MGAT5B: variants seen among roughly 807,000 people sequenced by gnomAD.
MGAT5B encodes the protein alpha-1,6-mannosylglycoprotein 6-beta-N-acetylglucosaminyltransferase B, also known as N-acetylglucosaminyl-transferase Vb.
A neutral mutation model predicts 95.1 loss-of-function variants in MGAT5B; 54 were observed. The observed-to-expected ratio is 0.57, with a 90% CI of 0.46 to 0.71. MGAT5B has a LOEUF of 0.71. MGAT5B is among the 30% of genes least tolerant of loss of function. The pLI is 0.00. For synonymous variants in MGAT5B, 464 were observed against 451.0 expected (o/e 1.03, Z -0.36); for missense variants, 935 against 1,088.6 (o/e 0.86, Z 1.99).
intron 3 of MGAT5B, among the ~76,000 whole-genome samples, chr17:76,900,987 G>A (rs934400354): frequency 6.6e-6 from 1 of 152,174 alleles, no homozygotes; most frequent in African/African-American, 2.4e-5. Context: ...GTGTGTGCAT[G>A]TGTGTACATG....
chr17:76,897,660 A>ACCTTCTTT (rs1385091778), intron 3 of MGAT5B, among the ~76,000 whole-genome samples: 2,206 of 69,208 alleles, frequency 0.032, 114 homozygotes, highest in East Asian at 0.1. Flanking sequence ...AAGTAAGGCC[A>ACCTTCTTT]CTTTCTTTCT....
chr17:76,937,959 G>A (rs1598997167), intron 12 of MGAT5B, 29 bp from the exon 13 acceptor site: 2 of 1,609,210 alleles, frequency 1.2e-6, no homozygotes, highest in East Asian at 2.2e-5. Flanking sequence ...TTTGCATGTG[G>A]TTCCCATCTC....
intron 12 of MGAT5B, among the ~76,000 whole-genome samples, chr17:76,934,593 G>A (rs1487647232): frequency 6.6e-6 from 1 of 152,182 alleles, no homozygotes; most frequent in Non-Finnish European, 1.5e-5. Flanking sequence ...GGCACTGGGT[G>A]CTGGAGAAGA....
intron 8 of MGAT5B, among the ~76,000 whole-genome samples, chr17:76,910,657 C>A (rs183416791): frequency 1.3e-5 from 2 of 152,252 alleles, no homozygotes; most frequent in Admixed American, 1.3e-4. Flanking sequence ...CATGTCCACA[C>A]CCCACAGAGA....
chr17:76,937,655 C>T (rs149078700), intron 12 of MGAT5B, among the ~76,000 whole-genome samples: 128 of 152,232 alleles, frequency 8.4e-4, no homozygotes, highest in Middle Eastern at 3.4e-3. Context: ...CACAGCTCCT[C>T]AGAGGAGCTT....
chr17:76,873,843 A>G lies in MGAT5B; in HGVS notation c.181+880A>G, dbSNP rs550089087. On this transcript the variant is annotated intron_variant, in intron 2 of 17. Coordinates refer to ENST00000569840, the MANE Select transcript of MGAT5B (RefSeq NM_001199172.2). ...ACTGTTCGAGGGTTGGCTCTGTGAG[A>G]TTCCCCTGCCCCTCTGGGGAAGTCT... 3.3e-5 allele frequency among the ~76,000 whole-genome samples: 5 copies of G among 152,196 alleles called. No homozygotes were observed. In the South Asian group the frequency reaches 8.3e-4, roughly 25 times the overall value.
chr17:76,933,331 C>T, intron 12 of MGAT5B, 34 bp downstream of exon 12: 1 of 1,598,008 alleles, frequency 6.3e-7, no homozygotes, highest in African/African-American at 1.3e-5. Flanking sequence ...CCCCCTCTAC[C>T]CTCTGCTCCC....
intron 1 of MGAT5B, 163 bp from the exon 2 acceptor site, chr17:76,872,688 G>A (rs1598882300): frequency 6.5e-7 from 1 of 1,533,536 alleles, no homozygotes; most frequent in African/African-American, 1.4e-5. Flanking sequence ...CTATAGTGGG[G>A]GGGCCCTCCT....
intron 2 of MGAT5B, among the ~76,000 whole-genome samples, chr17:76,878,246 G>A (rs1280459541): frequency 1.3e-5 from 2 of 152,110 alleles, no homozygotes; most frequent in East Asian, 3.9e-4. Context: ...CTGGTACCCC[G>A]AGGGCTCATT....
At position 76,915,579 on chromosome 17, in the gene MGAT5B, G is replaced by A. The variant is rs754081081; in HGVS notation, c.1026-9387G>A. ...GGCTTGATGAGGCTGGGAAGTGGGC[G>A]CATTGGAGCATTATATGATTTTCTA... is the stretch of plus-strand genomic sequence containing the variant. On this transcript the variant is annotated intron_variant, in intron 8 of 17. Transcript: ENST00000569840. The surrounding 1 kb of genome is among the most constrained non-coding windows in gnomAD (Gnocchi z 8.7). Among the ~76,000 whole-genome samples, 9 of 152,138 alleles carry A rather than the reference G, an allele frequency of 5.9e-5. No homozygotes were observed. The highest frequency in any genetic ancestry group is 1.3e-4 in the Non-Finnish European group (9 of 68,030).
Position 76,906,078 on chromosome 17 carries a change from C to A in MGAT5B, c.916C>A (p.Leu306Met). 3 of 1,609,010 alleles carry A rather than the reference C, an allele frequency of 1.9e-6. No individual in the cohort carries two copies. The highest frequency in any genetic ancestry group is 2.5e-6 in the Non-Finnish European group (3 of 1,177,812). The change falls in exon 8 of 18, where the codon CTG becomes ATG. Residue 306 changes from leucine to methionine, a missense_variant. By Grantham distance (15) the Leu-to-Met change is conservative. This residue lies in a region of MGAT5B where 243 missense variants were observed against 305.5 expected (regional missense o/e 0.80). Coordinates refer to ENST00000569840, the MANE Select transcript of MGAT5B (RefSeq NM_001199172.2). This position sits in a 1 kb window ranked among gnomAD's most constrained non-coding sequence, Gnocchi z 4.6. ...CGGGGACGTGTTCAGCCCTCGGGTC[C>A]TGAAGGGCGGGCCCCTAGGGGAGAT... ...ESGDVFSPRVLKGGPLGEMVQ... is the reference protein window; with the variant it reads ...ESGDVFSPRVMKGGPLGEMVQ...
chr17:76,937,910 G>T, intron 12 of MGAT5B, 78 bp from the exon 13 acceptor site: 2 of 1,556,464 alleles, frequency 1.3e-6, no homozygotes, highest in South Asian at 2.3e-5. Flanking sequence ...CTGACTTCCA[G>T]ACCAAAGGGA....
chr17:76,901,531 G>A (rs747190773), intron 3 of MGAT5B, among the ~76,000 whole-genome samples: 30 of 152,108 alleles, frequency 2.0e-4, no homozygotes, highest in Admixed American at 3.3e-4. Flanking sequence ...TGCATATGAC[G>A]GCTAATAAAT....
chr17:76,882,142 T>TCAG lies in MGAT5B; in HGVS notation c.182-9_182-8insCAG. ...GCCTCCCCTAACCATACCCACACTC[T>TCAG]GCCCACAGTGATGGGGGGCCCCGAG... On this transcript the variant is annotated splice_polypyrimidine_tract_variant and intron_variant, in intron 2 of 17. Transcript: ENST00000569840. The TCAG allele has an allele frequency of 6.2e-7, 1 of 1,605,416 alleles. No homozygotes were observed. The highest frequency in any genetic ancestry group is 8.5e-7 in the Non-Finnish European group (1 of 1,174,738).
intron 12 of MGAT5B, among the ~76,000 whole-genome samples, chr17:76,937,060 T>G (rs1295413608): frequency 6.6e-6 from 1 of 152,058 alleles, no homozygotes; most frequent in African/African-American, 2.4e-5. Flanking sequence ...AGAGATAATT[T>G]AAGATCAAGG....
chr17:76,932,770 T>C lies in MGAT5B; in HGVS notation c.1417T>C (p.Trp473Arg). Residue 473 changes from tryptophan (W) to arginine (R), a missense_variant, in exon 11 of 18, where the codon TGG becomes CGG. By Grantham distance (101) the Trp-to-Arg change is moderately radical. Around this residue, in one of 4 missense-constraint regions of MGAT5B, gnomAD observed 440 missense variants for 523.6 expected, o/e 0.84. Coordinates refer to ENST00000569840, the MANE Select transcript of MGAT5B (RefSeq NM_001199172.2). Reference protein sequence around the residue: ...AVVYGKEASIWKLQGKEKFLG... With the variant: ...AVVYGKEASIRKLQGKEKFLG... The stretch of plus-strand genomic sequence containing the variant: ...GGTGTACGGCAAGGAGGCGAGCATC[T>C]GGAAGGTGAGCGCGGCCCCTGCGCG... 4 of 1,613,534 alleles carry C rather than the reference T, an allele frequency of 2.5e-6. No individual in the cohort carries two copies. The highest frequency in any genetic ancestry group is 3.4e-6 in the Non-Finnish European group (4 of 1,179,810).
At chr17:76,907,197 C>T (rs904741492) in intron 8 of MGAT5B, among the ~76,000 whole-genome samples, 2 of 151,974 alleles carry the variant, frequency 1.3e-5, no homozygotes, top group East Asian at 3.9e-4. Flanking sequence ...ATTACAGGCC[C>T]ACGCCGCCAC....
intron 8 of MGAT5B, among the ~76,000 whole-genome samples, chr17:76,910,045 G>GAAAT (rs1180709055): frequency 6.6e-6 from 1 of 152,138 alleles, no homozygotes; most frequent in Admixed American, 6.5e-5. Context: ...TTCTCACCTT[G>GAAAT]AAATAGCAGG....
Position 76,916,388 on chromosome 17 carries a change from C to T in MGAT5B, c.1026-8578C>T, listed in dbSNP as rs1037194533. ...CCGTGTCGCCTTTCCCAGCTCTGGC[C>T]TGGCCTGTGTTGGGGAGGGCTGCAA... On this transcript the variant is annotated intron_variant, in intron 8 of 17. Coordinates refer to ENST00000569840, the MANE Select transcript of MGAT5B (RefSeq NM_001199172.2). The surrounding 1 kb of genome is among the most constrained non-coding windows in gnomAD (Gnocchi z 5.3). 2.0e-5 allele frequency among the ~76,000 whole-genome samples: 3 copies of T among 152,238 alleles called. No homozygotes were observed. The highest frequency in any genetic ancestry group is 2.9e-5 in the Non-Finnish European group (2 of 68,038).
Sources: gnomAD v4.1 joint callset for allele counts (sites outside exome capture counted in the v4.1 genomes callset) on GRCh38, gnomAD v4.1.1 for gene constraint, gnomAD v4.1.1 regional missense constraint, Gnocchi (gnomAD v3.1) non-coding constraint, MANE v1.5 for transcripts, NCBI Gene and HGNC (gene_info 2026-07-23, HGNC 2026-07-21) for gene names.